The following ZFYVE16 variants were observed in gnomAD, a reference collection of about 807,000 sequenced individuals.
ZFYVE16 encodes zinc finger FYVE domain-containing protein 16.
Under a neutral mutation model 138.1 loss-of-function variants are expected in ZFYVE16, and 89 were observed. The ratio of observed to expected loss-of-function variants is 0.64; its 90% CI spans 0.54 to 0.77. The LOEUF (loss-of-function observed/expected upper bound fraction) is 0.77, where lower values mean the gene tolerates loss of function less well. Ranked by LOEUF, ZFYVE16 falls within the 30% of genes least tolerant of loss-of-function variation. ZFYVE16 has a pLI of 0.00. For missense variants in ZFYVE16, 1,793 were observed against 1,786.7 expected, an observed-to-expected ratio of 1.00 and a Z score of -0.06; for synonymous variants, 596 against 618.3, an observed-to-expected ratio of 0.96 and a Z score of 0.53.
intron 15 of ZFYVE16, among the ~76,000 whole-genome samples, chr5:80,464,962 G>A (rs990864680): frequency 6.7e-6 from 1 of 149,324 alleles, no homozygotes; most frequent in Non-Finnish European, 1.5e-5. Flanking sequence ...CTACTCCTTT[G>A]TGTCATTATT....
At chr5:80,441,348 C>G in intron 5 of ZFYVE16, 1 of 985,318 alleles carries the variant, frequency 1.0e-6, no homozygotes, top group Non-Finnish European at 1.2e-6. Context: ...ATACTGAGAT[C>G]AAGCTTTGGT....
chr5:80,430,635 T>G (rs141184973), intron 2 of ZFYVE16, among the ~76,000 whole-genome samples: 38 of 152,014 alleles, frequency 2.5e-4, no homozygotes, highest in Middle Eastern at 3.4e-3. Flanking sequence ...CTTCAAAAAA[T>G]CAATGAATCC....
In ZFYVE16 at chr5:80,436,874, T is replaced by C. The variant is rs1245621796; in HGVS notation, c.189T>C (p.Val63=). The change falls in exon 4 of 19, where the codon GTT becomes GTC. Residue 63 remains valine, a synonymous_variant. Transcript: ENST00000505560. ...TGCTCCCAAAAGACCAAGAGTGCGT[T>C]AATAGTTGTGCCTCATCAGAAACAA... ...TSLLPKDQEC[V]NSCASSETSY... The C allele has an allele frequency of 6.2e-7, 1 of 1,614,138 alleles. No individual in the cohort carries two copies.
intron 1 of ZFYVE16, among the ~76,000 whole-genome samples, chr5:80,420,349 G>C (rs1746947950): frequency 6.6e-6 from 1 of 151,860 alleles, no homozygotes; most frequent in African/African-American, 2.4e-5. Flanking sequence ...CAACGTGCAG[G>C]TTTGTTAACA....
Position 80,438,850 on chromosome 5 carries a change from A to G in ZFYVE16, c.2165A>G (p.Asn722Ser). 6 of 1,614,116 alleles carry G rather than the reference A, an allele frequency of 3.7e-6. No homozygotes were observed. In the East Asian group the frequency reaches 6.7e-5, roughly 18 times the overall value. ...SEGGSSFVTANEDSVPENTCK... is the reference protein window; with the variant it reads ...SEGGSSFVTASEDSVPENTCK... ...GGTGGATCTAGTTTCGTAACTGCAA[A>G]TGAAGATTCTGTACCTGAAAACACT... Residue 722 changes from asparagine to serine, a missense_variant, in exon 4 of 19, where the codon AAT (asparagine) becomes AGT (serine). Transcript: ENST00000505560.
chr5:80,423,263 A>T (rs1747507807), intron 1 of ZFYVE16, among the ~76,000 whole-genome samples: 1 of 152,058 alleles, frequency 6.6e-6, no homozygotes. Flanking sequence ...CGTTTATATC[A>T]TTTGAGGAAT....
chr5:80,441,489 T>C, intron 5 of ZFYVE16: 1 of 985,340 alleles, frequency 1.0e-6, no homozygotes, highest in Non-Finnish European at 1.2e-6. Context: ...AGAGCATAAA[T>C]AAAAGTTAAT....
intron 7 of ZFYVE16, among the ~76,000 whole-genome samples, chr5:80,446,678 C>T (rs900429669): frequency 6.6e-6 from 1 of 152,082 alleles, no homozygotes; most frequent in African/African-American, 2.4e-5. Flanking sequence ...GGAAATGTAA[C>T]TGAGATTTAG....
chr5:80,430,112 C>G (rs930766842), intron 2 of ZFYVE16, among the ~76,000 whole-genome samples: 4 of 152,184 alleles, frequency 2.6e-5, no homozygotes, highest in Non-Finnish European at 5.9e-5. Flanking sequence ...ACCGAACTCT[C>G]CACCCCAAAT....
rs779299469 is a variant in ZFYVE16, at chr5:80,438,776, A to G, written c.2091A>G (p.Pro697=). Residue 697 remains proline, a synonymous_variant, in exon 4 of 19, where the codon CCA becomes CCG. Transcript: ENST00000505560. ...ITCAIDSTAD[P]QVSFNSNYID... is the part of the protein sequence containing the mutation. Reference sequence around the variant, plus strand: ...GTGCTATAGATTCTACAGCTGATCCACAGGTTAGCTTCAACTCTAATTACA... The same window carrying G: ...GTGCTATAGATTCTACAGCTGATCCGCAGGTTAGCTTCAACTCTAATTACA... 9 of 1,614,120 alleles carry G rather than the reference A, an allele frequency of 5.6e-6. No individual in the cohort carries two copies. The highest frequency in any genetic ancestry group is 7.6e-6 in the Non-Finnish European group (9 of 1,179,970).
At chr5:80,477,184 C>T (rs1025788804) in intron 18 of ZFYVE16, 35 bp from the exon 19 acceptor site, 3 of 1,545,348 alleles carry the variant, frequency 1.9e-6, no homozygotes, top group Non-Finnish European at 2.6e-6. Context: ...AACAAGATTG[C>T]TCATTTTCTT....
intron 1 of ZFYVE16, among the ~76,000 whole-genome samples, chr5:80,416,292 G>T (rs1220304852): frequency 9.6e-6 from 1 of 104,580 alleles, no homozygotes; most frequent in African/African-American, 3.7e-5. Context: ...GTCTCGCTCT[G>T]TTGCCCAGGC....
chr5:80,466,518 CAT>C (rs1204616843), intron 15 of ZFYVE16, among the ~76,000 whole-genome samples: 1 of 152,132 alleles, frequency 6.6e-6, no homozygotes, highest in African/African-American at 2.4e-5. Flanking sequence ...ATTCTTTAGA[CAT>C]AGTTCCTTTA....
rs745721941 is a variant in ZFYVE16 at position 80,438,361 on chromosome 5, C to T, written c.1676C>T (p.Ser559Leu). Residue 559 changes from serine (S) to leucine (L), a missense_variant, in exon 4 of 19, where the codon TCG becomes TTG. Around this residue, in one of 2 missense-constraint regions of ZFYVE16, gnomAD observed 1,295 missense variants for 1,204.3 expected, o/e 1.08. Transcript: ENST00000505560. ...SFEENVNDSKSQMNQIDMKGL... is the reference protein window; with the variant it reads ...SFEENVNDSKLQMNQIDMKGL... ...GAAGAAAATGTAAATGACTCTAAAT[C>T]GCAAATGAATCAGATAGATATGAAA... 3.1e-6 allele frequency: 5 copies of T among 1,613,378 alleles called. No homozygotes were observed. Among genetic ancestry groups the T allele is most frequent in the Middle Eastern group, 1.7e-4 (1 of 6,060 alleles).
rs201759731 is a variant in ZFYVE16, at chr5:80,438,839, C to G, written c.2154C>G (p.Phe718Leu). 2.2e-5 allele frequency: 36 copies of G among 1,613,978 alleles called. 1 individual carries two copies. The African/African-American group carries it at 3.5e-4, about 16-fold the overall frequency. The change falls in exon 4 of 19, where the codon TTC becomes TTG. Residue 718 changes from phenylalanine (F) to leucine (L), a missense_variant. This residue lies in a region of ZFYVE16 where 1,295 missense variants were observed against 1,204.3 expected (regional missense o/e 1.08). Transcript: ENST00000505560. ...GTAATTCTGAAGGTGGATCTAGTTT[C>G]GTAACTGCAAATGAAGATTCTGTAC... ...IESNSEGGSS[F>L]VTANEDSVPE...
At chr5:80,474,632 A>C in intron 17 of ZFYVE16, 31 bp from the exon 18 acceptor site, 1 of 1,572,330 alleles carries the variant, frequency 6.4e-7, no homozygotes, top group East Asian at 2.3e-5. Context: ...ACTTTTAATC[A>C]TGACTTGTTT....
chr5:80,447,991 C>A (rs752461963), intron 7 of ZFYVE16, 35 bp from the exon 8 acceptor site: 1 of 1,505,470 alleles, frequency 6.6e-7, no homozygotes, highest in Non-Finnish European at 8.9e-7. Context: ...AGAATATGAA[C>A]TGATTTGTTA....
At chr5:80,468,007 A>C (rs1016817588) in intron 15 of ZFYVE16, among the ~76,000 whole-genome samples, 1 of 152,186 alleles carries the variant, frequency 6.6e-6, no homozygotes, top group African/African-American at 2.4e-5. Flanking sequence ...TGAAAACTTC[A>C]TGGTGGCATG....
chr5:80,464,031 G>A lies in ZFYVE16; in HGVS notation c.4024+4537G>A, dbSNP rs144790086. ...TCAAAGCCATTCAACAAGTCTCTAG[G>A]AAGTTTCAAACTTTCCCACATCTTC... is the stretch of plus-strand genomic sequence containing the variant. On this transcript the variant is annotated intron_variant, in intron 15 of 18. Transcript: ENST00000505560. 5.6e-3 allele frequency among the ~76,000 whole-genome samples: 855 copies of A among 152,190 alleles called. 3 individuals carry two copies. Among genetic ancestry groups the A allele is most frequent in the Non-Finnish European group, 8.5e-3 (578 of 68,010 alleles).
Sources: gnomAD v4.1 joint callset for allele counts (sites outside exome capture counted in the v4.1 genomes callset) on GRCh38, gnomAD v4.1.1 for gene constraint, gnomAD v4.1.1 regional missense constraint, MANE v1.5 for transcripts, NCBI Gene and HGNC (gene_info 2026-07-23, HGNC 2026-07-21) for gene names.